Variants in NOX4 observed in about 807,000 individuals in gnomAD.
The protein encoded by NOX4 is kidney oxidase-1.
In NOX4, 69 loss-of-function variants were observed where a neutral mutation model predicts 87.6. That is an observed-to-expected ratio of 0.79 (90% CI 0.65 to 0.96). The LOEUF (loss-of-function observed/expected upper bound fraction) is 0.96, where lower values mean the gene tolerates loss of function less well. NOX4 is among the 40% of genes least tolerant of loss of function. NOX4 has a pLI of 0.00. For synonymous variants in NOX4, 275 were observed against 238.2 expected, an observed-to-expected ratio of 1.15 and a Z score of -1.42; for missense variants, 680 against 681.5, an observed-to-expected ratio of 1.00 and a Z score of 0.02.
In NOX4 at chr11:89,393,774, CTG is replaced by C. The variant is rs1941284311; in HGVS notation, c.1074+6241_1074+6242del. 2.6e-5 allele frequency among the ~76,000 whole-genome samples: 4 copies of C among 152,248 alleles called. No individual in the cohort carries two copies. In the South Asian group the frequency reaches 8.3e-4, roughly 32 times the overall value. On this transcript the variant is annotated intron_variant, in intron 11 of 17. Coordinates refer to ENST00000263317, the MANE Select transcript of NOX4 (RefSeq NM_016931.5). Reference sequence around the variant, plus strand: ...TAGCACTGTTTTGCAGATGATGAAACTGAGCCTTAGCAAGGTTGAGAGATACA... The same window carrying C: ...TAGCACTGTTTTGCAGATGATGAAACAGCCTTAGCAAGGTTGAGAGATACA...
At chr11:89,423,783 G>C (rs1242444864) in intron 7 of NOX4, among the ~76,000 whole-genome samples, 2 of 152,046 alleles carry the variant, frequency 1.3e-5, no homozygotes, top group Non-Finnish European at 2.9e-5. Flanking sequence ...GGTCAGGCAT[G>C]GTGGCTAATG....
At chr11:89,374,346 A>T (rs890125186) in intron 11 of NOX4, among the ~76,000 whole-genome samples, 1 of 152,166 alleles carries the variant, frequency 6.6e-6, no homozygotes, top group East Asian at 1.9e-4. Flanking sequence ...GCTGACTAAC[A>T]TCCTGTTGGA....
At chr11:89,481,197 T>C (rs2135470992) in intron 2 of NOX4, among the ~76,000 whole-genome samples, 1 of 152,190 alleles carries the variant, frequency 6.6e-6, no homozygotes, top group Middle Eastern at 3.4e-3. Context: ...AGCATCTGTA[T>C]GCTCAGCAAA....
chr11:89,438,685 A>G (rs1288070208), intron 6 of NOX4, among the ~76,000 whole-genome samples: 1 of 80,334 alleles, frequency 1.2e-5, no homozygotes, highest in Non-Finnish European at 2.1e-5. Flanking sequence ...TATATATACT[A>G]TAAATAATAT....
At position 89,342,133 on chromosome 11, in the gene NOX4, G is replaced by A; in HGVS notation, c.1278C>T (p.Ser426=). The change falls in exon 14 of 18, where the codon AGC becomes AGT. Residue 426 remains serine, a synonymous_variant. Transcript: ENST00000263317. Reference sequence around the variant, plus strand: ...CTCCAATGCCTCCAGCCACGCAGAGGCTGACCTCATAGTTCAGTGATTCCT... The same window carrying A: ...CTCCAATGCCTCCAGCCACGCAGAGACTGACCTCATAGTTCAGTGATTCCT... ...PFEESLNYEV[S]LCVAGGIGVT... 6.2e-7 allele frequency: 1 copy of A among 1,612,630 alleles called. No homozygotes were observed. The highest frequency in any genetic ancestry group is 8.5e-7 in the Non-Finnish European group (1 of 1,178,718).
chr11:89,416,241 A>G (rs572785978), intron 8 of NOX4, among the ~76,000 whole-genome samples: 19 of 152,302 alleles, frequency 1.2e-4, no homozygotes, highest in Middle Eastern at 3.4e-3. Flanking sequence ...ACTGAAAAGA[A>G]CATAGAGGAA....
chr11:89,424,562 C>A (rs1424073920), intron 7 of NOX4, among the ~76,000 whole-genome samples: 1 of 151,742 alleles, frequency 6.6e-6, no homozygotes, highest in Non-Finnish European at 1.5e-5. Flanking sequence ...TTGAGTATAA[C>A]CCCAATACTG....
At chr11:89,566,118 C>G in the NOX4 span, among the ~76,000 whole-genome samples, 2 of 150,160 alleles carry the variant, frequency 1.3e-5, no homozygotes, top group African/African-American at 4.9e-5. Context: ...TCTCGGCTCA[C>G]TGCAAGCTCT....
intron 13 of NOX4, among the ~76,000 whole-genome samples, chr11:89,344,278 G>A (rs1001649138): frequency 2.0e-5 from 3 of 152,070 alleles, no homozygotes; most frequent in Admixed American, 1.3e-4. Flanking sequence ...AAAATTTCAA[G>A]GGTCTGGTGC....
the NOX4 span, among the ~76,000 whole-genome samples, chr11:89,568,219 C>A: frequency 6.6e-6 from 1 of 151,820 alleles, no homozygotes; most frequent in East Asian, 1.9e-4. Context: ...GGAAAACTAG[C>A]AGAAGAAAAG....
intron 8 of NOX4, among the ~76,000 whole-genome samples, chr11:89,415,115 A>G (rs1942687984): frequency 6.6e-6 from 1 of 152,062 alleles, no homozygotes; most frequent in Admixed American, 6.6e-5. Flanking sequence ...TCTGTAAAAT[A>G]GAAATGATAG....
chr11:89,339,945 C>G, intron 15 of NOX4, 118 bp downstream of exon 15: 1 of 516,960 alleles, frequency 1.9e-6, no homozygotes, highest in Non-Finnish European at 3.5e-6. Context: ...TTCCTTGCTA[C>G]TTATCTGCAT....
chr11:89,537,962 T>A, the NOX4 span, among the ~76,000 whole-genome samples: 1 of 152,236 alleles, frequency 6.6e-6, no homozygotes, highest in East Asian at 1.9e-4. Flanking sequence ...TTTACTTTCC[T>A]CATCCAATCT....
chr11:89,580,808 A>C, the NOX4 span, among the ~76,000 whole-genome samples: 6 of 152,156 alleles, frequency 3.9e-5, no homozygotes, highest in African/African-American at 1.2e-4. Context: ...ATAGGGTTTG[A>C]ATGGAAATAA....
Position 89,373,445 on chromosome 11 carries a change from T to G in NOX4, c.1122A>C (p.Val374=). Residue 374 remains valine, a synonymous_variant, in exon 12 of 18, where the codon GTA becomes GTC. Transcript: ENST00000263317. ...KATFGVHLKI[V]GDWTERFRDL... is the part of the protein sequence containing the mutation. ...TGTTCTACATACCTGTCCAGTCTCCTACTATTTTAAGATGAACCCCAAATG... is the reference window on the plus strand; with the variant it reads ...TGTTCTACATACCTGTCCAGTCTCCGACTATTTTAAGATGAACCCCAAATG... 7.5e-6 allele frequency: 12 copies of G among 1,591,280 alleles called. No individual in the cohort carries two copies. Among genetic ancestry groups the G allele is most frequent in the Non-Finnish European group, 1.0e-5 (12 of 1,160,216 alleles).
chr11:89,387,382 C>T lies in NOX4; in HGVS notation c.1074+12635G>A, dbSNP rs113858702. On this transcript the variant is annotated intron_variant, in intron 11 of 17. Coordinates refer to ENST00000263317, the MANE Select transcript of NOX4 (RefSeq NM_016931.5). The stretch of plus-strand genomic sequence containing the variant: ...ACCCCCATCCCTGCCCGCCAGAGAA[C>T]AACCACCTTTGACTGTAATTTTCCA... Among the ~76,000 whole-genome samples the T allele has an allele frequency of 3.2e-4, 49 of 152,116 alleles. 1 individual carries two copies. The highest frequency in any genetic ancestry group is 1.0e-3 in the African/African-American group (42 of 41,512).
the NOX4 span, chr11:89,548,479 AGACT>A: frequency 6.6e-6 from 1 of 152,212 alleles, no homozygotes; most frequent in Admixed American, 6.5e-5. Context: ...GTAGTAATCT[AGACT>A]GACTGAGACA....
chr11:89,390,143 T>C (rs1284341160), intron 11 of NOX4, among the ~76,000 whole-genome samples: 5 of 152,130 alleles, frequency 3.3e-5, no homozygotes, highest in Admixed American at 2.6e-4. Flanking sequence ...AAGTGCCAAA[T>C]AGAAGTAATT....
rs117302408 is a variant in NOX4, at chr11:89,485,854, T to C, written c.153+4604A>G. ...GATTTTTTTTTCCTCTTAGCTAATT[T>C]TAAGATTCCAAAACTCATGACATGT... On this transcript the variant is annotated intron_variant, in intron 2 of 17. Transcript: ENST00000263317. 1.0e-3 allele frequency among the ~76,000 whole-genome samples: 159 copies of C among 152,180 alleles called. 3 individuals carry two copies. In the East Asian group the frequency reaches 0.028, roughly 27 times the overall value.
Sources: gnomAD v4.1 joint callset for allele counts (sites outside exome capture counted in the v4.1 genomes callset) on GRCh38, gnomAD v4.1.1 for gene constraint, MANE v1.5 for transcripts, NCBI Gene and HGNC (gene_info 2026-07-23, HGNC 2026-07-21) for gene names.